The following ZNF705A variants were observed in gnomAD, a reference collection of about 807,000 sequenced individuals.
ZNF705A encodes the protein zinc finger protein 705A.
In ZNF705A, 8 loss-of-function variants were observed where a neutral mutation model predicts 16.6. The ratio of observed to expected loss-of-function variants is 0.48; its 90% CI spans 0.28 to 0.87. The LOEUF is 0.87. Ranked by LOEUF, ZNF705A falls within the 40% of genes least tolerant of loss-of-function variation. The probability of loss-of-function intolerance (pLI) is 0.10; values close to 1 mark genes in which losing one functional copy is unlikely to be tolerated. For synonymous variants in ZNF705A, 73 were observed against 117.3 expected, an observed-to-expected ratio of 0.62 and a Z score of 2.44; for missense variants, 233 against 359.9, an observed-to-expected ratio of 0.65 and a Z score of 2.85.
intron 1 of ZNF705A, among the ~76,000 whole-genome samples, chr12:8,157,702 T>G (rs972324504): frequency 6.6e-6 from 1 of 152,194 alleles, no homozygotes; most frequent in Non-Finnish European, 1.5e-5. Context: ...TGAAGTAAAA[T>G]TTGTATACCA....
intron 1 of ZNF705A, among the ~76,000 whole-genome samples, chr12:8,161,869 T>C (rs1948358654): frequency 6.6e-6 from 1 of 152,190 alleles, no homozygotes; most frequent in Non-Finnish European, 1.5e-5. Context: ...GCATTCAATC[T>C]GTAGCGGCAA....
At chr12:8,165,046 G>A (rs1039624404) in intron 1 of ZNF705A, among the ~76,000 whole-genome samples, 3 of 152,072 alleles carry the variant, frequency 2.0e-5, no homozygotes, top group Non-Finnish European at 4.4e-5. Context: ...TATCTGAAAT[G>A]GACATAGTAA....
chr12:8,157,723 C>A lies in ZNF705A; in HGVS notation c.-72+631C>A, dbSNP rs1948321073. 3.9e-5 allele frequency among the ~76,000 whole-genome samples: 6 copies of A among 152,090 alleles called. No homozygotes were observed. The South Asian group carries it at 1.2e-3, about 32-fold the overall frequency. The stretch of plus-strand genomic sequence containing the variant: ...AAAATTTGTATACCACAAAATATAT[C>A]CATTTAAGTAAACATTTCAATGAGT... On this transcript the variant is annotated intron_variant, in intron 1 of 5. Coordinates refer to the ZNF705A transcript ENST00000396570.
At chr12:8,177,656 A>C in exon 5 of ZNF705A, 1 of 1,577,464 alleles carries the variant, frequency 6.3e-7, no homozygotes, top group Non-Finnish European at 8.6e-7. Context: ...TCAATGTACT[A>C]GTCTTAAATA....
upstream of ZNF705A, among the ~76,000 whole-genome samples, chr12:8,171,198 C>T: frequency 6.6e-6 from 1 of 152,038 alleles, no homozygotes; most frequent in Non-Finnish European, 1.5e-5. Context: ...TACAAAGTTA[C>T]CCTTTTTATT....
At chr12:8,174,888 G>A (rs1161606649) in intron 2 of ZNF705A, among the ~76,000 whole-genome samples, 1 of 151,864 alleles carries the variant, frequency 6.6e-6, no homozygotes, top group African/African-American at 2.4e-5. Context: ...TTTTTGTTCT[G>A]TGTGAGAATA....
chr12:8,176,320 T>C (rs746873312), intron 4 of ZNF705A, among the ~76,000 whole-genome samples: 1 of 152,274 alleles, frequency 6.6e-6, no homozygotes, highest in East Asian at 1.9e-4. Context: ...TTTTAGGAGA[T>C]TTATTTGCCA....
chr12:8,167,579 G>A (rs775929120), upstream of ZNF705A, among the ~76,000 whole-genome samples: 51 of 152,250 alleles, frequency 3.3e-4, no homozygotes, highest in South Asian at 0.01. Context: ...CTTGCTTGTG[G>A]GACTTGCCTT....
At chr12:8,170,057 C>A (rs538270528), upstream of ZNF705A, among the ~76,000 whole-genome samples, 18 of 151,970 alleles carry the variant, frequency 1.2e-4, no homozygotes, top group Non-Finnish European at 2.2e-4. Context: ...AGCACGATGG[C>A]GCATGCCTGT....
At chr12:8,169,493 T>C (rs1948427448), upstream of ZNF705A, among the ~76,000 whole-genome samples, 1 of 152,248 alleles carries the variant, frequency 6.6e-6, no homozygotes, top group African/African-American at 2.4e-5. Flanking sequence ...TCCTTTACTC[T>C]GTGGTGGTCT....
intron 1 of ZNF705A, among the ~76,000 whole-genome samples, chr12:8,159,602 A>G (rs759591029): frequency 2.6e-4 from 39 of 152,058 alleles, no homozygotes; most frequent in Admixed American, 7.9e-4. Flanking sequence ...GGCCATTTGT[A>G]TATCTTCTTT....
At chr12:8,172,768 C>T in intron 1 of ZNF705A, 131 bp downstream of exon 2, 3 of 1,449,402 alleles carry the variant, frequency 2.1e-6, no homozygotes, top group Non-Finnish European at 2.8e-6. Flanking sequence ...GTAAAATCCA[C>T]CTAGCCTGGG....
At position 8,166,815 on chromosome 12, in the gene ZNF705A, G is replaced by A. The variant is rs746531329; in HGVS notation, c.-71-5740G>A. On this transcript the variant is annotated intron_variant, in intron 1 of 5. Coordinates refer to the ZNF705A transcript ENST00000396570. ...TAGAATGCTGTGAGCACTGTCCTGC[G>A]CTTGCACTGGGCCCAGCCCACAAAA... Among the ~76,000 whole-genome samples, 7 of 152,250 alleles carry A rather than the reference G, an allele frequency of 4.6e-5. No individual in the cohort carries two copies. The East Asian group carries it at 7.7e-4, about 17-fold the overall frequency.
At chr12:8,171,714 C>T (rs748435294), upstream of ZNF705A, among the ~76,000 whole-genome samples, 12 of 149,294 alleles carry the variant, frequency 8.0e-5, no homozygotes, top group East Asian at 2.4e-3. Flanking sequence ...GAAATAAATC[C>T]CTGGATTGAT....
chr12:8,161,496 G>T (rs1324936535), intron 1 of ZNF705A, among the ~76,000 whole-genome samples: 1 of 115,666 alleles, frequency 8.6e-6, no homozygotes. Flanking sequence ...GGTCTTTCAG[G>T]GTATCTAATT....
At chr12:8,172,753 A>G (rs1471106937) in intron 1 of ZNF705A, 116 bp downstream of exon 2, 35 of 1,505,278 alleles carry the variant, frequency 2.3e-5, no homozygotes, top group Middle Eastern at 4.8e-4. Context: ...GTTTGTTTTT[A>G]TGATGTAAAA....
exon 5 of ZNF705A, chr12:8,178,652 G>A (rs1395343375): frequency 6.6e-6 from 1 of 152,228 alleles, no homozygotes; most frequent in East Asian, 1.9e-4. Context: ...ATGCATAATA[G>A]TAAAGTGACC....
intron 1 of ZNF705A, among the ~76,000 whole-genome samples, chr12:8,159,023 T>C (rs1000063691): frequency 1.3e-5 from 2 of 152,168 alleles, no homozygotes; most frequent in African/African-American, 2.4e-5. Context: ...CCTTGTGTCC[T>C]CCTGGCTTAG....
intron 1 of ZNF705A, among the ~76,000 whole-genome samples, chr12:8,167,447 G>A (rs751771909): frequency 6.6e-6 from 1 of 152,162 alleles, no homozygotes; most frequent in African/African-American, 2.4e-5. Context: ...CTCTTGGAAT[G>A]TAGTGGTGAT....
Sources: gnomAD v4.1 joint callset for allele counts (sites outside exome capture counted in the v4.1 genomes callset) on GRCh38, gnomAD v4.1.1 for gene constraint, MANE v1.5 for transcripts, NCBI Gene and HGNC (gene_info 2026-07-23, HGNC 2026-07-21) for gene names.